Variants in TYW1B observed in about 807,000 individuals in gnomAD.
The protein encoded by TYW1B is S-adenosyl-L-methionine-dependent tRNA 4-demethylwyosine synthase TYW1B.
In TYW1B, 73 loss-of-function variants were observed where a neutral mutation model predicts 86.9. The ratio of observed to expected loss-of-function variants is 0.84; its 90% CI spans 0.70 to 1.02. TYW1B has a LOEUF of 1.02. Ranked by LOEUF, TYW1B falls within the 50% of genes least tolerant of loss-of-function variation. The pLI is 0.00. For missense variants in TYW1B, 637 were observed against 827.4 expected, an observed-to-expected ratio of 0.77 and a Z score of 2.82; for synonymous variants, 248 against 292.8, an observed-to-expected ratio of 0.85 and a Z score of 1.56.
chr7:72,679,953 G>C (rs551011298), intron 11 of TYW1B, among the ~76,000 whole-genome samples: 1 of 152,310 alleles, frequency 6.6e-6, no homozygotes, highest in African/African-American at 2.4e-5. Flanking sequence ...AACACAGTGA[G>C]ACCGTATCTC....
intron 6 of TYW1B, among the ~76,000 whole-genome samples, chr7:72,795,083 G>C (rs1308041356): frequency 6.6e-6 from 1 of 151,944 alleles, no homozygotes; most frequent in Non-Finnish European, 1.5e-5. Context: ...GCCTCCCAAA[G>C]TGCTGGGATT....
At chr7:72,695,157 C>A (rs1275169450) in intron 10 of TYW1B, among the ~76,000 whole-genome samples, 1 of 152,180 alleles carries the variant, frequency 6.6e-6, no homozygotes, top group African/African-American at 2.4e-5. Flanking sequence ...ATTAGAGGGG[C>A]TCTCTGATCT....
intron 11 of TYW1B, among the ~76,000 whole-genome samples, chr7:72,685,111 C>CG (rs1813977123): frequency 7.5e-6 from 1 of 133,470 alleles, no homozygotes; most frequent in African/African-American, 2.8e-5. Context: ...GACTCAATCT[C>CG]GAAAAAAAAA....
intron 8 of TYW1B, among the ~76,000 whole-genome samples, chr7:72,743,465 C>T (rs568051577): frequency 6.6e-5 from 10 of 152,126 alleles, no homozygotes; most frequent in African/African-American, 2.4e-4. Context: ...CATTAGTGAC[C>T]ACAACAAAAT....
At chr7:72,744,979 T>C (rs1787369796) in intron 7 of TYW1B, among the ~76,000 whole-genome samples, 1 of 152,210 alleles carries the variant, frequency 6.6e-6, no homozygotes, top group Non-Finnish European at 1.5e-5. Flanking sequence ...ATCCCTGCTC[T>C]GAGTAAAGAA....
At chr7:72,768,513 C>T (rs1405002825) in intron 7 of TYW1B, among the ~76,000 whole-genome samples, 2 of 152,104 alleles carry the variant, frequency 1.3e-5, no homozygotes, top group East Asian at 1.9e-4. Flanking sequence ...GTAGGCCAGG[C>T]GCGGTGGCTC....
At chr7:72,799,666 C>T (rs1788371205) in intron 6 of TYW1B, among the ~76,000 whole-genome samples, 1 of 151,888 alleles carries the variant, frequency 6.6e-6, no homozygotes, top group Non-Finnish European at 1.5e-5. Context: ...GGGGTTTCAC[C>T]GTGTTAGCCA....
intron 7 of TYW1B, among the ~76,000 whole-genome samples, chr7:72,767,222 C>T (rs1787785472): frequency 6.6e-6 from 1 of 152,170 alleles, no homozygotes; most frequent in Admixed American, 6.6e-5. Context: ...AGCCTACCCT[C>T]GGACTGCCGT....
chr7:72,606,027 T>C (rs1450848003), intron 13 of TYW1B, among the ~76,000 whole-genome samples: 12 of 151,952 alleles, frequency 7.9e-5, no homozygotes, highest in Admixed American at 6.6e-4. Context: ...ATATTACATA[T>C]AAGGCAAGCA....
At chr7:72,785,010 C>G (rs1358868542) in intron 6 of TYW1B, among the ~76,000 whole-genome samples, 1 of 151,950 alleles carries the variant, frequency 6.6e-6, no homozygotes, top group Non-Finnish European at 1.5e-5. Context: ...CAACTCTAGG[C>G]ACACCAAACT....
chr7:72,694,644 C>T, intron 11 of TYW1B, 43 bp downstream of exon 11: 2 of 1,574,028 alleles, frequency 1.3e-6, no homozygotes, highest in Non-Finnish European at 8.6e-7. Context: ...TCAGTACACA[C>T]CTGAGGGTTG....
chr7:72,751,438 C>A (rs1554465063), intron 7 of TYW1B, among the ~76,000 whole-genome samples: 1 of 152,160 alleles, frequency 6.6e-6, no homozygotes, highest in Non-Finnish European at 1.5e-5. Context: ...GACTACTGAG[C>A]CAATCAATCA....
intron 6 of TYW1B, among the ~76,000 whole-genome samples, chr7:72,799,197 T>C (rs1351130791): frequency 7.3e-6 from 1 of 136,862 alleles, no homozygotes; most frequent in Admixed American, 8.2e-5. Flanking sequence ...CTTGCTCTGT[T>C]GCCCAGGCTT....
rs200109054 is a variant in TYW1B, at chr7:72,646,053, G to A, written c.1507-17056C>T. Among the ~76,000 whole-genome samples, 49 of 145,178 alleles carry A rather than the reference G, an allele frequency of 3.4e-4. No homozygotes were observed. The East Asian group carries it at 8.1e-3, about 24-fold the overall frequency. On this transcript the variant is annotated intron_variant, in intron 11 of 13. Coordinates refer to ENST00000620995, the MANE Select transcript of TYW1B (RefSeq NM_001145440.3). ...GCATCCAAATTTTAAAAGTCTTTTC[G>A]TTTGTTTTTTGTTGAGAGGTTCACG...
intron 9 of TYW1B, among the ~76,000 whole-genome samples, chr7:72,717,292 C>A (rs1345936328): frequency 2.0e-5 from 3 of 150,784 alleles, no homozygotes; most frequent in African/African-American, 7.3e-5. Flanking sequence ...CAGGGCAAGA[C>A]CCTGTCTGGA....
At chr7:72,781,780 C>T (rs1245526530) in intron 6 of TYW1B, among the ~76,000 whole-genome samples, 2 of 152,154 alleles carry the variant, frequency 1.3e-5, no homozygotes, top group African/African-American at 2.4e-5. Flanking sequence ...ATCACACTTG[C>T]GTTGAAAGAA....
intron 6 of TYW1B, among the ~76,000 whole-genome samples, chr7:72,788,933 C>T (rs570097844): frequency 1.4e-4 from 22 of 152,070 alleles, no homozygotes; most frequent in African/African-American, 5.1e-4. Context: ...CAGGCTCAAA[C>T]AATCCTCCCA....
chr7:72,620,545 G>C (rs1434102002), intron 12 of TYW1B, among the ~76,000 whole-genome samples: 1 of 151,994 alleles, frequency 6.6e-6, no homozygotes, highest in Non-Finnish European at 1.5e-5. Context: ...ACTTAGACTG[G>C]GGGTCACCTC....
At chr7:72,742,211 C>G (rs1238628076) in intron 8 of TYW1B, among the ~76,000 whole-genome samples, 1 of 152,166 alleles carries the variant, frequency 6.6e-6, no homozygotes, top group Non-Finnish European at 1.5e-5. Flanking sequence ...CTCATTGCAA[C>G]CTCCACCTCC....
Sources: allele counts gnomAD v4.1 joint callset (sites outside exome capture counted in the v4.1 genomes callset), GRCh38; gene constraint gnomAD v4.1.1; transcripts MANE v1.5; gene names NCBI Gene and HGNC (gene_info 2026-07-23, HGNC 2026-07-21).